The following ADGRL3 variants were observed in gnomAD, a reference collection of about 807,000 sequenced individuals.
The protein encoded by ADGRL3 is adhesion G protein-coupled receptor L3.
A neutral mutation model predicts 153.5 loss-of-function variants in ADGRL3; 62 were observed. The observed-to-expected ratio is 0.40, with a 90% CI of 0.33 to 0.50. The LOEUF is 0.50. Ranked by LOEUF, ADGRL3 falls within the 20% of genes least tolerant of loss-of-function variation. The pLI, the probability that ADGRL3 is intolerant of heterozygous loss-of-function variation, is 0.47. For missense variants in ADGRL3, 1,641 were observed against 1,859.4 expected (o/e 0.88, Z 2.16); for synonymous variants, 710 against 672.5 (o/e 1.06, Z -0.86).
At chr4:61,637,925 A>G (rs2093497477) in intron 5 of ADGRL3, among the ~76,000 whole-genome samples, 1 of 152,244 alleles carries the variant, frequency 6.6e-6, no homozygotes, top group African/African-American at 2.4e-5. Flanking sequence ...AAACATTACA[A>G]TAATTGCATT....
chr4:61,954,179 A>G (rs1040112909), intron 17 of ADGRL3, among the ~76,000 whole-genome samples: 2 of 152,060 alleles, frequency 1.3e-5, no homozygotes, highest in Non-Finnish European at 2.9e-5. Flanking sequence ...CATTTTAGTA[A>G]AAGGCTACTC....
intron 24 of ADGRL3, among the ~76,000 whole-genome samples, chr4:62,038,472 G>A (rs1000453438): frequency 1.3e-5 from 2 of 151,984 alleles, no homozygotes; most frequent in Non-Finnish European, 2.9e-5. Context: ...TTTTCCCAGG[G>A]CACAGTATCA....
chr4:61,765,438 G>A (rs1393702336), intron 8 of ADGRL3, among the ~76,000 whole-genome samples: 2 of 152,082 alleles, frequency 1.3e-5, no homozygotes, highest in African/African-American at 2.4e-5. Context: ...TTTTTAAGTT[G>A]GTGGCTGAGC....
At chr4:61,452,532 T>A (rs1454943575) in intron 2 of ADGRL3, among the ~76,000 whole-genome samples, 2 of 152,188 alleles carry the variant, frequency 1.3e-5, no homozygotes, top group Non-Finnish European at 2.9e-5. Context: ...CTGTTGTTCT[T>A]TGTTGAAATT....
chr4:61,306,692 A>C (rs2094801748), intron 1 of ADGRL3, among the ~76,000 whole-genome samples: 1 of 152,172 alleles, frequency 6.6e-6, no homozygotes. Flanking sequence ...ATAGAAAATA[A>C]TATGCACACC....
At position 61,201,042 on chromosome 4, in the gene ADGRL3, A is replaced by G. The variant is rs541010834; in HGVS notation, c.-963A>G. Among the ~76,000 whole-genome samples, 12 of 152,038 alleles carry G rather than the reference A, an allele frequency of 7.9e-5. No individual in the cohort carries two copies. The highest frequency in any genetic ancestry group is 2.9e-4 in the African/African-American group (12 of 41,490). On this transcript the variant is annotated 5_prime_UTR_variant, in exon 1 of 27. Coordinates refer to ENST00000683033, the MANE Select transcript of ADGRL3 (RefSeq NM_001387552.1). ...TTGAGAGGGGACCCTCGGCTGGGAG[A>G]GAGCCTCGGGAGGACGAAGAGGAGG...
intron 8 of ADGRL3, among the ~76,000 whole-genome samples, chr4:61,781,530 G>C (rs1006173064): frequency 7.9e-5 from 12 of 151,986 alleles, no homozygotes; most frequent in African/African-American, 2.9e-4. Flanking sequence ...CGGTTATTCT[G>C]AAGATCTTTG....
intron 1 of ADGRL3, among the ~76,000 whole-genome samples, chr4:61,315,215 C>A (rs2095163962): frequency 6.6e-6 from 1 of 152,176 alleles, no homozygotes; most frequent in African/African-American, 2.4e-5. Flanking sequence ...ACAGGCTTCT[C>A]AACGTGGGGA....
chr4:61,768,529 C>G (rs942927008), intron 8 of ADGRL3, among the ~76,000 whole-genome samples: 1 of 151,994 alleles, frequency 6.6e-6, no homozygotes, highest in Non-Finnish European at 1.5e-5. Flanking sequence ...AGACCATTTG[C>G]CCATTTTACG....
chr4:61,611,160 T>C (rs962848219), intron 5 of ADGRL3, among the ~76,000 whole-genome samples: 2 of 152,246 alleles, frequency 1.3e-5, no homozygotes, highest in Middle Eastern at 6.8e-3. Context: ...ATATGAAACT[T>C]GTGATTCCTA....
In ADGRL3 at chr4:61,482,778, C is replaced by T. The variant is rs2098144530; in HGVS notation, c.-173-14343C>T. ...ACAGGCTTTTATATTTAAAAGTAGT[C>T]TTTGTCAAAATAGTTTTGGAAAGCC... is the stretch of plus-strand genomic sequence containing the variant. On this transcript the variant is annotated intron_variant, in intron 2 of 26. Coordinates refer to ENST00000683033, the MANE Select transcript of ADGRL3 (RefSeq NM_001387552.1). Among the ~76,000 whole-genome samples the T allele has an allele frequency of 6.6e-5, 10 of 152,164 alleles. 1 individual carries two copies. The South Asian group carries it at 2.1e-3, about 32-fold the overall frequency.
At position 61,543,432 on chromosome 4, in the gene ADGRL3, C is replaced by T. The variant is rs184988609; in HGVS notation, c.259+25914C>T. Among the ~76,000 whole-genome samples the T allele has an allele frequency of 2.2e-3, 331 of 152,278 alleles. 1 individual carries two copies. Among genetic ancestry groups the T allele is most frequent in the Admixed American group, 5.4e-3 (82 of 15,288 alleles). ...AAAGGAGCTTCTAAAAGCTAGAATG[C>T]TCCCTTACTGGCAGAGAAAGGAACA... On this transcript the variant is annotated intron_variant, in intron 4 of 26. Coordinates refer to ENST00000683033, the MANE Select transcript of ADGRL3 (RefSeq NM_001387552.1).
At chr4:61,788,292 C>A (rs1350417298) in intron 8 of ADGRL3, among the ~76,000 whole-genome samples, 1 of 152,190 alleles carries the variant, frequency 6.6e-6, no homozygotes, top group African/African-American at 2.4e-5. Context: ...TCAATCCCCT[C>A]CTACCTCTAC....
At chr4:61,808,116 C>T (rs1258489753) in intron 8 of ADGRL3, among the ~76,000 whole-genome samples, 4 of 152,122 alleles carry the variant, frequency 2.6e-5, no homozygotes. Flanking sequence ...ACTTTACTCA[C>T]CTCAGTTAGG....
intron 9 of ADGRL3, among the ~76,000 whole-genome samples, chr4:61,862,165 C>T (rs751547190): frequency 2.0e-5 from 3 of 152,082 alleles, no homozygotes; most frequent in Non-Finnish European, 4.4e-5. Context: ...CTTTGTTTCC[C>T]CATGACTTAG....
chr4:61,577,609 G>A (rs1202926415), intron 4 of ADGRL3, among the ~76,000 whole-genome samples: 5 of 151,794 alleles, frequency 3.3e-5, no homozygotes, highest in South Asian at 4.2e-4. Context: ...CCAGGAGTTC[G>A]AGACTAGCTG....
Position 61,956,992 on chromosome 4 carries a change from T to C in ADGRL3, c.2805+8716T>C, listed in dbSNP as rs529994085. On this transcript the variant is annotated intron_variant, in intron 17 of 26. Transcript: ENST00000683033. ...CATGATGCTTCCAGCTTCATTCTTC[T>C]TGCTTAGGATTGTCTTGGCTATACG... is the stretch of plus-strand genomic sequence containing the variant. Among the ~76,000 whole-genome samples the C allele has an allele frequency of 2.6e-5, 4 of 152,302 alleles. No individual in the cohort carries two copies. In the South Asian group the frequency reaches 6.2e-4, roughly 24 times the overall value.
intron 5 of ADGRL3, among the ~76,000 whole-genome samples, chr4:61,629,319 A>G (rs1463523342): frequency 6.6e-6 from 1 of 152,086 alleles, no homozygotes; most frequent in African/African-American, 2.4e-5. Context: ...TACTTTGTAG[A>G]CATGTATTTG....
rs183386543 is a variant in ADGRL3 at position 61,283,692 on chromosome 4, C to T, written c.-240+81927C>T. On this transcript the variant is annotated intron_variant, in intron 1 of 26. Transcript: ENST00000683033. ...AGTTCAAGGATAAAGGGAAAAAACA[C>T]GACATAGTAACTTACAAATTACTGT... 1.1e-4 allele frequency among the ~76,000 whole-genome samples: 17 copies of T among 152,084 alleles called. 1 individual carries two copies. Among genetic ancestry groups the T allele is most frequent in the East Asian group, 3.9e-4 (2 of 5,178 alleles).
Sources: allele counts gnomAD v4.1 joint callset (sites outside exome capture counted in the v4.1 genomes callset), GRCh38; gene constraint gnomAD v4.1.1; transcripts MANE v1.5; gene names NCBI Gene and HGNC (gene_info 2026-07-23, HGNC 2026-07-21).